The following POU6F2 variants were observed in gnomAD, a reference collection of about 807,000 sequenced individuals.
POU6F2 encodes POU domain, class 6, transcription factor 2.
Under a neutral mutation model 71.3 loss-of-function variants are expected in POU6F2, and 31 were observed. That is an observed-to-expected ratio of 0.43 (90% CI 0.33 to 0.59). POU6F2 has a LOEUF of 0.59. Ranked by LOEUF, POU6F2 falls within the 20% of genes least tolerant of loss-of-function variation. The pLI is 0.04. For synonymous variants in POU6F2, 347 were observed against 355.7 expected, an observed-to-expected ratio of 0.98 and a Z score of 0.27; for missense variants, 783 against 856.8, an observed-to-expected ratio of 0.91 and a Z score of 1.07.
intron 4 of POU6F2, among the ~76,000 whole-genome samples, chr7:39,307,320 T>C (rs1291460566): frequency 6.6e-6 from 1 of 152,198 alleles, no homozygotes; most frequent in East Asian, 1.9e-4. Flanking sequence ...TACAAAATTA[T>C]GTATTAAAGT....
At chr7:39,397,388 T>C (rs995611685) in intron 5 of POU6F2, among the ~76,000 whole-genome samples, 6 of 147,382 alleles carry the variant, frequency 4.1e-5, no homozygotes, top group Non-Finnish European at 8.9e-5. Context: ...CAAATATATA[T>C]AGACAAATAT....
chr7:39,101,227 C>T (rs1791565179), intron 2 of POU6F2, among the ~76,000 whole-genome samples: 1 of 151,972 alleles, frequency 6.6e-6, no homozygotes. Flanking sequence ...CCACCCGCCA[C>T]CAAACCCAGC....
chr7:39,205,337 C>T (rs1793988119), intron 3 of POU6F2, among the ~76,000 whole-genome samples: 1 of 152,006 alleles, frequency 6.6e-6, no homozygotes, highest in South Asian at 2.1e-4. Context: ...GTGTGTATGT[C>T]TGCACACCTG....
At chr7:39,148,177 T>C (rs2128733398) in intron 2 of POU6F2, among the ~76,000 whole-genome samples, 1 of 152,324 alleles carries the variant, frequency 6.6e-6, no homozygotes, top group South Asian at 2.1e-4. Flanking sequence ...TAGGATATGG[T>C]TGACCTTTTT....
chr7:39,153,638 A>T (rs993763793), intron 2 of POU6F2, among the ~76,000 whole-genome samples: 13 of 152,236 alleles, frequency 8.5e-5, no homozygotes, highest in African/African-American at 3.1e-4. Flanking sequence ...AGAAATGAAC[A>T]GATACACTGA....
At chr7:39,106,269 G>A (rs1479569809) in intron 2 of POU6F2, among the ~76,000 whole-genome samples, 2 of 152,200 alleles carry the variant, frequency 1.3e-5, no homozygotes, top group Non-Finnish European at 2.9e-5. Flanking sequence ...ATACAGAGTT[G>A]ATACCATTAT....
At chr7:39,258,347 G>A (rs911118885) in intron 4 of POU6F2, among the ~76,000 whole-genome samples, 20 of 152,188 alleles carry the variant, frequency 1.3e-4, no homozygotes, top group African/African-American at 4.8e-4. Context: ...GAGAAAAAGA[G>A]AAATATTAAA....
intron 5 of POU6F2, among the ~76,000 whole-genome samples, chr7:39,344,145 A>G (rs1367955600): frequency 6.6e-6 from 1 of 152,190 alleles, no homozygotes; most frequent in Non-Finnish European, 1.5e-5. Flanking sequence ...ACCATCTTGC[A>G]TGGCAGGACG....
chr7:39,222,309 T>C (rs1794380697), intron 4 of POU6F2, among the ~76,000 whole-genome samples: 1 of 152,242 alleles, frequency 6.6e-6, no homozygotes. Context: ...TTAGGAGTTA[T>C]CTATTTGCTA....
At chr7:39,347,219 A>G (rs1786049111) in intron 5 of POU6F2, among the ~76,000 whole-genome samples, 1 of 152,220 alleles carries the variant, frequency 6.6e-6, no homozygotes, top group African/African-American at 2.4e-5. Context: ...CCTCGACTAT[A>G]GATATTATAA....
intron 5 of POU6F2, among the ~76,000 whole-genome samples, chr7:39,374,095 T>A (rs17619492): frequency 0.15 from 22,526 of 152,136 alleles, 1,882 homozygotes; most frequent in Admixed American, 0.22. Flanking sequence ...CAAAGGGAGA[T>A]GATGATAATG....
At chr7:39,097,996 G>A (rs1386532961) in intron 2 of POU6F2, among the ~76,000 whole-genome samples, 4 of 152,142 alleles carry the variant, frequency 2.6e-5, no homozygotes, top group Non-Finnish European at 1.5e-5. Context: ...AGTATTAAGC[G>A]GTTTGTGACA....
At chr7:39,233,286 G>T (rs1794611064) in intron 4 of POU6F2, among the ~76,000 whole-genome samples, 1 of 145,240 alleles carries the variant, frequency 6.9e-6, no homozygotes, top group African/African-American at 2.5e-5. Context: ...AGAAATAGTG[G>T]TATTATCTGT....
chr7:39,048,436 G>T (rs1049071276), intron 1 of POU6F2, among the ~76,000 whole-genome samples: 2 of 151,734 alleles, frequency 1.3e-5, no homozygotes, highest in Non-Finnish European at 1.5e-5. Context: ...GTGAGAAAAT[G>T]CATTATTTGG....
chr7:39,369,264 T>C (rs1290458111), intron 5 of POU6F2, among the ~76,000 whole-genome samples: 1 of 152,096 alleles, frequency 6.6e-6, no homozygotes, highest in Non-Finnish European at 1.5e-5. Context: ...AACCACCACC[T>C]CTGTCAGTCA....
At chr7:39,092,965 A>C (rs1201235379) in intron 2 of POU6F2, among the ~76,000 whole-genome samples, 1 of 152,160 alleles carries the variant, frequency 6.6e-6, no homozygotes, top group East Asian at 1.9e-4. Flanking sequence ...CATACCCCCA[A>C]GATCGCTTCT....
intron 7 of POU6F2, among the ~76,000 whole-genome samples, chr7:39,448,118 TTTACCTGAAAGAA>T (rs1410713123): frequency 6.6e-6 from 1 of 152,256 alleles, no homozygotes; most frequent in Admixed American, 6.5e-5. Flanking sequence ...TATTTCATAG[TTTACCTGAAAGAA>T]TTACAGTTTT....
At chr7:39,149,445 A>T (rs1170532207) in intron 2 of POU6F2, among the ~76,000 whole-genome samples, 1 of 152,250 alleles carries the variant, frequency 6.6e-6, no homozygotes, top group Non-Finnish European at 1.5e-5. Context: ...GTTATGCGAT[A>T]CATAAAGATA....
rs140868463 is a variant in POU6F2 at position 39,059,580 on chromosome 7, G to C, written c.106-26280G>C. On this transcript the variant is annotated intron_variant, in intron 1 of 9. Coordinates refer to ENST00000518318, the MANE Select transcript of POU6F2 (RefSeq NM_001370959.1). ...TGAAACCCTCATACACTGCTAGTAG[G>C]AATGTAAAATGTTGCAGCTACTGTG... Among the ~76,000 whole-genome samples the C allele has an allele frequency of 5.3e-4, 80 of 151,810 alleles. 1 individual carries two copies. In the East Asian group the frequency reaches 0.014, roughly 26 times the overall value.
Sources: allele counts gnomAD v4.1 joint callset (sites outside exome capture counted in the v4.1 genomes callset), GRCh38; gene constraint gnomAD v4.1.1; transcripts MANE v1.5; gene names NCBI Gene and HGNC (gene_info 2026-07-23, HGNC 2026-07-21).